KDM4B: variants seen among roughly 807,000 people sequenced by gnomAD.
KDM4B encodes the protein lysine-specific demethylase 4B.
KDM4B carries 32 observed loss-of-function variants against 125.2 expected under a neutral mutation model. That is an observed-to-expected ratio of 0.26 (90% CI 0.19 to 0.34). KDM4B has a LOEUF of 0.34. Ranked by LOEUF, KDM4B falls within the 10% of genes least tolerant of loss-of-function variation. KDM4B has a pLI of 1.00. For synonymous variants in KDM4B, 721 were observed against 677.9 expected, an observed-to-expected ratio of 1.06 and a Z score of -0.99; for missense variants, 1,190 against 1,577.7, an observed-to-expected ratio of 0.75 and a Z score of 4.16.
intron 2 of KDM4B, among the ~76,000 whole-genome samples, chr19:5,019,760 TTGGTGTGGACAGTGGTGTGCAGGTGC>T (rs2036034896): frequency 7.7e-6 from 1 of 130,298 alleles, no homozygotes; most frequent in African/African-American, 3.0e-5. Context: ...TGTGCAGGTA[TTGGTGTGGACAGTGGTGTGCAGGTGC>T]TGGTGTGGAC....
chr19:5,137,353 G>A lies in KDM4B; in HGVS notation c.2385+15G>A, dbSNP rs545233924. 322 of 1,552,860 alleles carry A rather than the reference G, an allele frequency of 2.1e-4. No individual in the cohort carries two copies. Among genetic ancestry groups the A allele is most frequent in the South Asian group, 4.3e-4 (36 of 84,306 alleles). ...CCTGGACTGCGGTAACTCGCTCCCC[G>A]CAGCGGGGGTGGTGCTCTGAGAGGC... On this transcript the variant is annotated intron_variant, in intron 16 of 22. Transcript: ENST00000159111.
At chr19:4,992,323 G>T (rs369582859) in intron 1 of KDM4B, among the ~76,000 whole-genome samples, 1 of 152,130 alleles carries the variant, frequency 6.6e-6, no homozygotes, top group East Asian at 1.9e-4. Flanking sequence ...CTTAGTTTCC[G>T]TGTGCTCTTC....
At chr19:5,040,646 A>G (rs2036782334) in intron 4 of KDM4B, among the ~76,000 whole-genome samples, 1 of 135,502 alleles carries the variant, frequency 7.4e-6, no homozygotes, top group South Asian at 2.4e-4. Context: ...CGTGCTGCGC[A>G]GGCCTGTCCC....
At chr19:5,132,353 G>C (rs562560829) in intron 13 of KDM4B, among the ~76,000 whole-genome samples, 1 of 152,292 alleles carries the variant, frequency 6.6e-6, no homozygotes, top group East Asian at 1.9e-4. Context: ...AAAGGCTCCC[G>C]CGAAGCTTTG....
At chr19:5,137,231 C>A (rs2039664463) in intron 15 of KDM4B, 31 bp from the exon 16 acceptor site, 6 of 1,543,494 alleles carry the variant, frequency 3.9e-6, no homozygotes, top group Non-Finnish European at 5.3e-6. Context: ...ACCTGCCCCC[C>A]AGATCTCAGC....
chr19:5,036,775 G>A (rs1051785498), intron 3 of KDM4B, among the ~76,000 whole-genome samples: 1 of 152,212 alleles, frequency 6.6e-6, no homozygotes, highest in Non-Finnish European at 1.5e-5. Context: ...AACCCTCCCC[G>A]CCTGGAGCCC....
intron 6 of KDM4B, among the ~76,000 whole-genome samples, chr19:5,057,029 C>CGTGTGTGTGTGT (rs74170763): frequency 1.2e-4 from 17 of 144,180 alleles, no homozygotes; most frequent in African/African-American, 4.2e-4. Flanking sequence ...GATATATATG[C>CGTGTGTGTGTGT]GTGTGTGTGT....
intron 2 of KDM4B, among the ~76,000 whole-genome samples, chr19:5,031,173 G>A (rs902354840): frequency 5.9e-5 from 9 of 152,346 alleles, no homozygotes; most frequent in Middle Eastern, 6.8e-3. Flanking sequence ...AGCGTTGGGG[G>A]GATCCTGGGG....
At chr19:5,067,901 C>T (rs574262015) in intron 6 of KDM4B, among the ~76,000 whole-genome samples, 3 of 152,184 alleles carry the variant, frequency 2.0e-5, no homozygotes, top group Non-Finnish European at 4.4e-5. Context: ...TTGATTTTGG[C>T]CGTGAAGTTT....
At chr19:5,150,750 C>T (rs1198620799) in intron 22 of KDM4B, among the ~76,000 whole-genome samples, 1 of 152,192 alleles carries the variant, frequency 6.6e-6, no homozygotes, top group Non-Finnish European at 1.5e-5. Context: ...TCCCAGCCCC[C>T]TGTGCCCTGC....
At chr19:5,037,305 G>A (rs2036659528) in intron 3 of KDM4B, among the ~76,000 whole-genome samples, 1 of 152,164 alleles carries the variant, frequency 6.6e-6, no homozygotes, top group Non-Finnish European at 1.5e-5. Context: ...TGGCCTGTGG[G>A]TCTCTGACCA....
At chr19:5,018,295 TG>T (rs1599424125) in intron 2 of KDM4B, among the ~76,000 whole-genome samples, 1 of 152,234 alleles carries the variant, frequency 6.6e-6, no homozygotes, top group East Asian at 1.9e-4. Context: ...CCCAATGTGC[TG>T]GGGTCACAGG....
chr19:5,037,262 G>C (rs1339419269), intron 3 of KDM4B, among the ~76,000 whole-genome samples: 1 of 152,186 alleles, frequency 6.6e-6, no homozygotes, highest in East Asian at 1.9e-4. Flanking sequence ...TCCTGGAGAG[G>C]GGGGACAGTG....
intron 2 of KDM4B, among the ~76,000 whole-genome samples, chr19:5,021,101 C>T (rs1290215081): frequency 2.0e-5 from 3 of 150,662 alleles, no homozygotes; most frequent in Non-Finnish European, 4.4e-5. Context: ...GCTGAGATCG[C>T]ACCACTGCAC....
intron 11 of KDM4B, among the ~76,000 whole-genome samples, chr19:5,128,809 TC>T (rs1220454589): frequency 7.9e-5 from 9 of 113,688 alleles, no homozygotes. Flanking sequence ...AGTGTTTACC[TC>T]CCCTGGCCAG....
chr19:5,121,183 G>A (rs1028147683), intron 11 of KDM4B, among the ~76,000 whole-genome samples: 8 of 152,132 alleles, frequency 5.3e-5, no homozygotes, highest in African/African-American at 1.9e-4. Flanking sequence ...GATATTGAGG[G>A]TCACAGTTTG....
At chr19:5,109,448 G>T (rs2039096557) in intron 9 of KDM4B, among the ~76,000 whole-genome samples, 1 of 152,206 alleles carries the variant, frequency 6.6e-6, no homozygotes, top group Admixed American at 6.5e-5. Flanking sequence ...CGCAGCGGCA[G>T]AGCCACCAAG....
chr19:5,047,752 C>T (rs920356353), intron 6 of KDM4B, 83 bp downstream of exon 6: 23 of 1,421,342 alleles, frequency 1.6e-5, no homozygotes, highest in African/African-American at 9.9e-5. Flanking sequence ...GGCTGGGCGC[C>T]GTGGCAGGGG....
chr19:5,125,490 C>G (rs1356033841), intron 11 of KDM4B, among the ~76,000 whole-genome samples: 2 of 152,370 alleles, frequency 1.3e-5, no homozygotes, highest in South Asian at 2.1e-4. Flanking sequence ...GCTCGTCCAG[C>G]TGCCTGGCGT....
Sources: gnomAD v4.1 joint callset for allele counts (sites outside exome capture counted in the v4.1 genomes callset) on GRCh38, gnomAD v4.1.1 for gene constraint, MANE v1.5 for transcripts, NCBI Gene and HGNC (gene_info 2026-07-23, HGNC 2026-07-21) for gene names.